The following YWHAE variants were observed in gnomAD, a reference collection of about 807,000 sequenced individuals.
The protein encoded by YWHAE is 14-3-3 protein epsilon.
Under a neutral mutation model 30.1 loss-of-function variants are expected in YWHAE, and 4 were observed. The observed-to-expected ratio is 0.13, with a 90% CI of 0.07 to 0.30. The LOEUF (loss-of-function observed/expected upper bound fraction) is 0.30. Among genes scored for constraint, YWHAE ranks in the 10% least tolerant of loss-of-function variants. The pLI is 1.00. For missense variants in YWHAE, 121 were observed against 315.9 expected, an observed-to-expected ratio of 0.38 and a Z score of 4.68; for synonymous variants, 118 against 111.8, an observed-to-expected ratio of 1.06 and a Z score of -0.35.
chr17:1,373,725 CAAG>C (rs1203124060), intron 1 of YWHAE, among the ~76,000 whole-genome samples: 1 of 151,628 alleles, frequency 6.6e-6, no homozygotes, highest in African/African-American at 2.4e-5. Context: ...TGAACAGAGA[CAAG>C]AAGTGAGCAC....
chr17:1,390,549 C>T (rs1162242608), intron 1 of YWHAE, among the ~76,000 whole-genome samples: 1 of 152,114 alleles, frequency 6.6e-6, no homozygotes, highest in Non-Finnish European at 1.5e-5. Flanking sequence ...TTTACAAAAG[C>T]CCAAAATTTC....
At chr17:1,346,130 C>A (rs1374078526) in intron 5 of YWHAE, among the ~76,000 whole-genome samples, 1 of 152,114 alleles carries the variant, frequency 6.6e-6, no homozygotes, top group African/African-American at 2.4e-5. Flanking sequence ...GGCATTTGGA[C>A]CACTTCACTC....
chr17:1,361,325 A>T lies in YWHAE; in HGVS notation c.372-27T>A, dbSNP rs900095488. On this transcript the variant is annotated intron_variant, in intron 3 of 5. Transcript: ENST00000264335. ...TAAAACAAAACCAAAATTAAAAAAA[A>T]AAAAAAAATTTAAACTAGGAACGAT... 1.9e-6 allele frequency: 3 copies of T among 1,553,100 alleles called. No homozygotes were observed. In the African/African-American group the frequency reaches 4.2e-5, roughly 22 times the overall value.
chr17:1,361,784 CCTTCTA>C, intron 3 of YWHAE, 112 bp downstream of exon 3: 1 of 605,564 alleles, frequency 1.7e-6, no homozygotes, highest in South Asian at 2.9e-5. Flanking sequence ...TATTAACTAT[CCTTCTA>C]ACATTGAACA....
At chr17:1,384,308 G>A (rs759774733) in intron 1 of YWHAE, among the ~76,000 whole-genome samples, 1 of 150,288 alleles carries the variant, frequency 6.7e-6, no homozygotes, top group Non-Finnish European at 1.5e-5. Flanking sequence ...CCCAGGAGGT[G>A]AGGGCTGCAG....
Position 1,345,096 on chromosome 17 carries a change from C to G in YWHAE, c.*351G>C. ...CCTCTCTCTTAGATGCTTGCATCAC[C>G]TATAAGTCTAATGGCTTTCAAATGT... On this transcript the variant is annotated 3_prime_UTR_variant, in exon 6 of 6. Transcript: ENST00000264335. 3.0e-6 allele frequency: 1 copy of G among 333,826 alleles called. No homozygotes were observed. Among genetic ancestry groups the G allele is most frequent in the Non-Finnish European group, 5.5e-6 (1 of 181,492 alleles). The allele number at this position is 333,826 out of a possible 1,614,324, so 20.7% of individuals were successfully genotyped here.
At chr17:1,384,596 G>C (rs1297813746) in intron 1 of YWHAE, among the ~76,000 whole-genome samples, 1 of 152,130 alleles carries the variant, frequency 6.6e-6, no homozygotes, top group African/African-American at 2.4e-5. Flanking sequence ...AGGAGGCTGA[G>C]GCAGGATAAT....
At chr17:1,399,957 G>T (rs375587720) in intron 1 of YWHAE, 90 bp downstream of exon 1, 2 of 1,528,108 alleles carry the variant, frequency 1.3e-6, no homozygotes, top group Non-Finnish European at 1.8e-6. Flanking sequence ...GCTCGCAGAC[G>T]ATGCCGCCAT....
At chr17:1,397,863 G>A (rs954196221) in intron 1 of YWHAE, among the ~76,000 whole-genome samples, 2 of 152,112 alleles carry the variant, frequency 1.3e-5, no homozygotes, top group Non-Finnish European at 2.9e-5. Flanking sequence ...TCACCTTGTA[G>A]ATCCTATTTC....
chr17:1,369,483 G>T (rs1302096683), intron 1 of YWHAE, among the ~76,000 whole-genome samples: 1 of 152,152 alleles, frequency 6.6e-6, no homozygotes, highest in Non-Finnish European at 1.5e-5. Context: ...AACAGAGAGA[G>T]ACTCCGTCTC....
intron 1 of YWHAE, among the ~76,000 whole-genome samples, chr17:1,366,027 C>A (rs1043025168): frequency 1.3e-5 from 2 of 151,936 alleles, no homozygotes; most frequent in African/African-American, 4.8e-5. Context: ...ACTATCCTGG[C>A]CAACATGGTG....
Position 1,364,840 on chromosome 17 carries a change from G to A in YWHAE, c.264+19C>T. 1.2e-6 allele frequency: 2 copies of A among 1,613,902 alleles called. No individual in the cohort carries two copies. Among genetic ancestry groups the A allele is most frequent in the Non-Finnish European group, 1.7e-6 (2 of 1,179,816 alleles). The stretch of plus-strand genomic sequence containing the variant: ...ACTCAAACTGTGGATAAGGGGGGAT[G>A]ATGGCACAACAATCTCACCATTTGC... On this transcript the variant is annotated intron_variant, in intron 2 of 5. Coordinates refer to ENST00000264335, the MANE Select transcript of YWHAE (RefSeq NM_006761.5).
At chr17:1,388,280 G>A (rs1348220083) in intron 1 of YWHAE, among the ~76,000 whole-genome samples, 1 of 150,828 alleles carries the variant, frequency 6.6e-6, no homozygotes, top group Non-Finnish European at 1.5e-5. Flanking sequence ...ACTTTGGGAG[G>A]CTGAGTTGGG....
intron 5 of YWHAE, among the ~76,000 whole-genome samples, chr17:1,347,558 C>T (rs571180368): frequency 6.6e-6 from 1 of 151,814 alleles, no homozygotes; most frequent in Admixed American, 6.6e-5. Flanking sequence ...AAAAAATATG[C>T]AAAGGCAAAA....
rs971996333 is a variant in YWHAE at position 1,344,294 on chromosome 17, T to A, written c.*1153A>T. ...ACCTTGTACTACTCATGTTGTACTT[T>A]AATGATTAAAATAAATACCATGTTG... On this transcript the variant is annotated 3_prime_UTR_variant, in exon 6 of 6. Coordinates refer to ENST00000264335, the MANE Select transcript of YWHAE (RefSeq NM_006761.5). The A allele has an allele frequency of 6.4e-6, 1 of 157,092 alleles. No homozygotes were observed. Among genetic ancestry groups the A allele is most frequent in the East Asian group, 1.6e-4 (1 of 6,234 alleles). 9.7% of individuals were successfully genotyped at this position (157,092 alleles called of 1,614,324 possible).
intron 5 of YWHAE, among the ~76,000 whole-genome samples, chr17:1,352,680 C>T (rs1354340475): frequency 6.6e-6 from 1 of 152,158 alleles, no homozygotes; most frequent in African/African-American, 2.4e-5. Context: ...AGCCCGCCAC[C>T]ACGCCCAGCC....
intron 4 of YWHAE, among the ~76,000 whole-genome samples, chr17:1,357,800 G>A (rs1237438449): frequency 3.3e-5 from 5 of 151,656 alleles, no homozygotes; most frequent in African/African-American, 9.7e-5. Flanking sequence ...GGTGGCGGGC[G>A]TCTGTAATCC....
intron 1 of YWHAE, among the ~76,000 whole-genome samples, chr17:1,389,880 G>C (rs1598270645): frequency 1.3e-5 from 2 of 150,758 alleles, no homozygotes; most frequent in Admixed American, 1.3e-4. Flanking sequence ...TTTTGCTCTT[G>C]TCGCCCAGGC....
Position 1,349,071 on chromosome 17 carries a change from G to A in YWHAE, c.716-3572C>T, listed in dbSNP as rs534570519. ...AAAGATGTAATACTAGGCCAGGTGCGGTGACTCGGGCCTGTAATCCCAGCA... is the reference window on the plus strand; with the variant it reads ...AAAGATGTAATACTAGGCCAGGTGCAGTGACTCGGGCCTGTAATCCCAGCA... On this transcript the variant is annotated intron_variant, in intron 5 of 5. Transcript: ENST00000264335. 4.2e-5 allele frequency among the ~76,000 whole-genome samples: 6 copies of A among 143,470 alleles called. No individual in the cohort carries two copies. The South Asian group carries it at 1.1e-3, about 27-fold the overall frequency. The allele number at this position is 143,470 out of a possible 152,430, so 94.1% of individuals were successfully genotyped here. A position where few individuals can be genotyped will look rare whatever the true frequency, so the allele number is the denominator to read the frequency against.
Sources: allele counts gnomAD v4.1 joint callset (sites outside exome capture counted in the v4.1 genomes callset), GRCh38; gene constraint gnomAD v4.1.1; transcripts MANE v1.5; gene names NCBI Gene and HGNC (gene_info 2026-07-23, HGNC 2026-07-21).